RAB3GAP2: variants seen among roughly 807,000 people sequenced by gnomAD.
RAB3GAP2 encodes the protein RAB3 GTPase activating non-catalytic protein subunit 2, also known as rab3 GTPase-activating protein non-catalytic subunit.
Under a neutral mutation model 185.3 loss-of-function variants are expected in RAB3GAP2, and 87 were observed. The observed-to-expected ratio is 0.47, with a 90% CI of 0.39 to 0.56. The LOEUF (loss-of-function observed/expected upper bound fraction) is 0.56, where lower values mean the gene tolerates loss of function less well. Among genes scored for constraint, RAB3GAP2 ranks in the 20% least tolerant of loss-of-function variants. The pLI is 0.00. For synonymous variants in RAB3GAP2, 554 were observed against 576.1 expected, an observed-to-expected ratio of 0.96 and a Z score of 0.55; for missense variants, 1,492 against 1,638.2, an observed-to-expected ratio of 0.91 and a Z score of 1.54.
At chr1:220,223,575 C>T (rs1462102904) in intron 2 of RAB3GAP2, among the ~76,000 whole-genome samples, 2 of 151,854 alleles carry the variant, frequency 1.3e-5, no homozygotes, top group African/African-American at 4.8e-5. Context: ...TGATAACATA[C>T]TAGGAGTCAA....
In RAB3GAP2 at chr1:220,193,235, A is replaced by G. The variant is rs1474979961; in HGVS notation, c.1270+5T>C. On this transcript the variant is annotated splice_donor_5th_base_variant and intron_variant, in intron 13 of 34. Transcript: ENST00000358951. ...ATTGTTTTTCTGGATTTTTGTAAGA[A>G]GTACCTTTCCACATGCGTATTGCAA... 6 of 1,613,918 alleles carry G rather than the reference A, an allele frequency of 3.7e-6. No individual in the cohort carries two copies. Among genetic ancestry groups the G allele is most frequent in the Non-Finnish European group, 5.1e-6 (6 of 1,179,910 alleles).
chr1:220,201,613 C>T (rs1249814437), intron 9 of RAB3GAP2, among the ~76,000 whole-genome samples: 1 of 152,100 alleles, frequency 6.6e-6, no homozygotes, highest in Admixed American at 6.5e-5. Context: ...AATTCTCCTG[C>T]CTCAGCCTCC....
intron 1 of RAB3GAP2, chr1:220,254,128 A>C: frequency 6.2e-7 from 1 of 1,613,896 alleles, no homozygotes; most frequent in African/African-American, 1.3e-5. Context: ...TCTTCCTGCC[A>C]AGAAGAATGT....
intron 21 of RAB3GAP2, among the ~76,000 whole-genome samples, chr1:220,179,244 C>CAAAAAAAAAAAAAAA (rs71169437): frequency 8.8e-5 from 5 of 56,814 alleles, no homozygotes; most frequent in Admixed American, 2.1e-4. Context: ...GAGACTGTCT[C>CAAAAAAAAAAAAAAA]AAAAAAAAAA....
At chr1:220,268,386 A>G (rs1322479361) in intron 1 of RAB3GAP2, among the ~76,000 whole-genome samples, 1 of 152,222 alleles carries the variant, frequency 6.6e-6, no homozygotes, top group Non-Finnish European at 1.5e-5. Flanking sequence ...AAAATATCTC[A>G]TGTAATTTCT....
chr1:220,164,791 A>T lies in RAB3GAP2; in HGVS notation c.3096T>A (p.Arg1032=). 6.2e-7 allele frequency: 1 copy of T among 1,608,500 alleles called. No individual in the cohort carries two copies. The highest frequency in any genetic ancestry group is 2.2e-5 in the East Asian group (1 of 44,770). Reference sequence around the variant, plus strand: ...AGTGTTCTATTGACCTAACAAAAAAACGTGCTTCCTTACATACAGGGAGAA... The same window carrying T: ...AGTGTTCTATTGACCTAACAAAAAATCGTGCTTCCTTACATACAGGGAGAA... ...VQWNKDPEEA[R]FFVRSIEHLK... is the part of the protein sequence containing the mutation. The change falls in exon 27 of 35, where the codon CGT becomes CGA. Residue 1032 remains arginine, a synonymous_variant. Coordinates refer to ENST00000358951, the MANE Select transcript of RAB3GAP2 (RefSeq NM_012414.4).
chr1:220,211,696 A>G (rs1659088309), intron 4 of RAB3GAP2, among the ~76,000 whole-genome samples: 2 of 152,234 alleles, frequency 1.3e-5, no homozygotes, highest in Non-Finnish European at 1.5e-5. Context: ...TAAATCTGTC[A>G]AACCTGAGGA....
intron 2 of RAB3GAP2, among the ~76,000 whole-genome samples, chr1:220,218,986 T>C (rs911465928): frequency 6.6e-6 from 1 of 152,164 alleles, no homozygotes; most frequent in African/African-American, 2.4e-5. Flanking sequence ...AACCAAATAA[T>C]ATCCTTAAAA....
Position 220,167,404 on chromosome 1 carries a change from AAGTC to A in RAB3GAP2, c.2981-9_2981-6del, listed in dbSNP as rs766834201. On this transcript the variant is annotated splice_region_variant and splice_polypyrimidine_tract_variant and intron_variant, in intron 25 of 34. Coordinates refer to ENST00000358951, the MANE Select transcript of RAB3GAP2 (RefSeq NM_012414.4). ...CATAGGCTAAATGCAGTAAGTCTGA[AAGTC>A]AGAAGAAAGCAGTGATGTTATTTTT... 20 of 1,613,972 alleles carry A rather than the reference AAGTC, an allele frequency of 1.2e-5. No homozygotes were observed. The highest frequency in any genetic ancestry group is 1.7e-5 in the Non-Finnish European group (20 of 1,179,826).
Position 220,153,170 on chromosome 1 carries a change from A to T in RAB3GAP2, c.3867+15T>A, listed in dbSNP as rs764592566. 2 of 1,575,440 alleles carry T rather than the reference A, an allele frequency of 1.3e-6. No homozygotes were observed. The highest frequency in any genetic ancestry group is 1.7e-6 in the Non-Finnish European group (2 of 1,144,926). On this transcript the variant is annotated intron_variant, in intron 33 of 34. Transcript: ENST00000358951. ...ATAACTTGAGCCCAATTAACATTCA[A>T]AGGGTCATGATTACCTCTTCTCCTA...
Position 220,151,280 on chromosome 1 carries a change from C to A in RAB3GAP2, c.4153G>T (p.Val1385Leu). The A allele has an allele frequency of 6.2e-7, 1 of 1,614,002 alleles. No individual in the cohort carries two copies. The highest frequency in any genetic ancestry group is 8.5e-7 in the Non-Finnish European group (1 of 1,179,962). ...YGLALHLIEAVEAISLPSL is the reference protein window; with the variant it reads ...YGLALHLIEALEAISLPSL Reference sequence around the variant, plus strand: ...AAAGAAGGAAGAGATATGGCTTCCACAGCTTCAATGAGGTGTAAGGCTAGA... The same window carrying A: ...AAAGAAGGAAGAGATATGGCTTCCAAAGCTTCAATGAGGTGTAAGGCTAGA... The change falls in exon 35 of 35, where the codon GTG becomes TTG. Residue 1385 changes from valine (V) to leucine (L), a missense_variant. This residue lies in a region of RAB3GAP2 where 387 missense variants were observed against 455.3 expected (regional missense o/e 0.85). Transcript: ENST00000358951.
rs764244878 is a variant in RAB3GAP2, at chr1:220,167,353, G to A, written c.3027C>T (p.Leu1009=). The change falls in exon 26 of 35, where the codon CTC becomes CTT. Residue 1009 remains leucine, a synonymous_variant. Transcript: ENST00000358951. ...AYEQFPCSLE[L]DVLHAHCCWE... ...AGCAGCAATGTGCATGCAAGACATC[G>A]AGCTCAAGGCTACAAGGAAACTGCT... is the stretch of plus-strand genomic sequence containing the variant. 7.4e-6 allele frequency: 12 copies of A among 1,614,014 alleles called. No individual in the cohort carries two copies. In the South Asian group the frequency reaches 7.7e-5, roughly 10 times the overall value.
chr1:220,169,918 G>A (rs1251010661), intron 24 of RAB3GAP2, among the ~76,000 whole-genome samples: 1 of 151,882 alleles, frequency 6.6e-6, no homozygotes, highest in Non-Finnish European at 1.5e-5. Flanking sequence ...CCCATTACTG[G>A]GTATATACCC....
Position 220,213,966 on chromosome 1 carries a change from T to C in RAB3GAP2, c.194A>G (p.Asn65Ser). 1 of 1,613,430 alleles carries C rather than the reference T, an allele frequency of 6.2e-7. No homozygotes were observed. Among genetic ancestry groups the C allele is most frequent in the Non-Finnish European group, 8.5e-7 (1 of 1,179,536 alleles). ...NEPQEPEEEG[N>S]TCKTQKTSWL... ...GGAAGTTTTTTGTGTTTTGCAAGTA[T>C]TTCCTTCTTCTTCCTGTGGGTAAAA... Residue 65 changes from asparagine (N) to serine (S), a missense_variant, in exon 3 of 35, where the codon AAT (asparagine) becomes AGT (serine). Physicochemically the swap from Asn to Ser is conservative, Grantham distance 46. This residue lies in a region of RAB3GAP2 where 177 missense variants were observed against 160.6 expected (regional missense o/e 1.10). Transcript: ENST00000358951.
Position 220,172,051 on chromosome 1 carries a change from T to A in RAB3GAP2, c.2417-2A>T. On this transcript the variant is annotated splice_acceptor_variant, in intron 22 of 34. Transcript: ENST00000358951. LOFTEE classifies it high-confidence loss of function. Reference sequence around the variant, plus strand: ...AATCCCAGGTCTCATCGATGGCCACTATAGGGATAGGAGAAAACAGAAAAA... The same window carrying A: ...AATCCCAGGTCTCATCGATGGCCACAATAGGGATAGGAGAAAACAGAAAAA... The A allele has an allele frequency of 6.2e-7, 1 of 1,614,080 alleles. No homozygotes were observed. Among genetic ancestry groups the A allele is most frequent in the African/African-American group, 1.3e-5 (1 of 75,048 alleles).
chr1:220,173,488 G>A (rs1200906797), intron 21 of RAB3GAP2, among the ~76,000 whole-genome samples: 2 of 152,188 alleles, frequency 1.3e-5, no homozygotes, highest in Non-Finnish European at 2.9e-5. Context: ...AAGACTGACT[G>A]TTAGTTTAAA....
chr1:220,182,597 C>T (rs563764274), intron 20 of RAB3GAP2, 121 bp downstream of exon 20: 3 of 1,177,798 alleles, frequency 2.5e-6, no homozygotes, highest in African/African-American at 1.6e-5. Flanking sequence ...AAATACAGTA[C>T]ATTAAATCCT....
intron 21 of RAB3GAP2, among the ~76,000 whole-genome samples, chr1:220,181,754 A>G (rs1658410305): frequency 6.6e-6 from 1 of 152,186 alleles, no homozygotes; most frequent in African/African-American, 2.4e-5. Context: ...GCTTGTTAAC[A>G]TTTACAGAAA....
chr1:220,247,384 A>T (rs1285969868), intron 1 of RAB3GAP2, among the ~76,000 whole-genome samples: 1 of 152,256 alleles, frequency 6.6e-6, no homozygotes, highest in Non-Finnish European at 1.5e-5. Context: ...GTGTATAAAG[A>T]AAATGTGGTA....
Sources: gnomAD v4.1 joint callset for allele counts (sites outside exome capture counted in the v4.1 genomes callset) on GRCh38, gnomAD v4.1.1 for gene constraint, gnomAD v4.1.1 regional missense constraint, MANE v1.5 for transcripts, NCBI Gene and HGNC (gene_info 2026-07-23, HGNC 2026-07-21) for gene names.